The following POPDC1 variants were observed in gnomAD, a reference collection of about 807,000 sequenced individuals.
POPDC1 encodes popeye domain-containing protein 1.
At chr6:105,126,149 C>T in the POPDC1 span, among the ~76,000 whole-genome samples, 2 of 151,548 alleles carry the variant, frequency 1.3e-5, no homozygotes, top group African/African-American at 4.9e-5. Flanking sequence ...TTGCTTGAAC[C>T]CGGGAGGTGG....
the POPDC1 span, chr6:105,099,088 G>A: frequency 1.3e-5 from 2 of 152,144 alleles, no homozygotes; most frequent in Non-Finnish European, 2.9e-5. Flanking sequence ...TGAACTCCTG[G>A]GCTTAAGCAA....
At chr6:105,101,714 C>T in the POPDC1 span, among the ~76,000 whole-genome samples, 2 of 152,072 alleles carry the variant, frequency 1.3e-5, no homozygotes, top group South Asian at 2.1e-4. Flanking sequence ...TGGGCTTACA[C>T]GCAAAGGAGA....
chr6:105,136,709 C>T, the POPDC1 span: 1 of 152,180 alleles, frequency 6.6e-6, no homozygotes, highest in South Asian at 2.1e-4. Flanking sequence ...TCTCTGTGGC[C>T]GCAGCGCCCA....
At chr6:105,119,812 T>C in the POPDC1 span, among the ~76,000 whole-genome samples, 2 of 152,260 alleles carry the variant, frequency 1.3e-5, no homozygotes, top group African/African-American at 2.4e-5. Context: ...AATGAAACTT[T>C]TACAATGACA....
At chr6:105,133,681 T>C in the POPDC1 span, 1 of 836,708 alleles carries the variant, frequency 1.2e-6, no homozygotes, top group Non-Finnish European at 1.8e-6. Context: ...TTTCTGTGAA[T>C]TAAATAGACT....
At chr6:105,107,861 A>G in the POPDC1 span, among the ~76,000 whole-genome samples, 7 of 151,850 alleles carry the variant, frequency 4.6e-5, no homozygotes, top group African/African-American at 1.7e-4. Context: ...ATATCCTAAG[A>G]TTTTTTTTAA....
chr6:105,118,480 G>A, the POPDC1 span, among the ~76,000 whole-genome samples: 3 of 152,118 alleles, frequency 2.0e-5, no homozygotes, highest in Non-Finnish European at 2.9e-5. Flanking sequence ...TCATTCTTTC[G>A]ATACATTACT....
the POPDC1 span, among the ~76,000 whole-genome samples, chr6:105,115,130 A>T: frequency 6.6e-6 from 1 of 152,254 alleles, no homozygotes; most frequent in African/African-American, 2.4e-5. Context: ...TCTGTCGCCC[A>T]GGCTGGAGTG....
the POPDC1 span, among the ~76,000 whole-genome samples, chr6:105,106,495 C>T: frequency 6.6e-6 from 1 of 152,246 alleles, no homozygotes; most frequent in Admixed American, 6.5e-5. Flanking sequence ...CTGAGCGAAA[C>T]AGTGGACACC....
the POPDC1 span, among the ~76,000 whole-genome samples, chr6:105,116,218 G>C: frequency 2.0e-5 from 3 of 152,180 alleles, no homozygotes; most frequent in Non-Finnish European, 4.4e-5. Flanking sequence ...TTTCTAAAAA[G>C]ATACGGGAAA....
the POPDC1 span, among the ~76,000 whole-genome samples, chr6:105,123,873 G>A: frequency 6.6e-6 from 1 of 152,002 alleles, no homozygotes; most frequent in African/African-American, 2.4e-5. Flanking sequence ...CAGTTTTCTG[G>A]TTTTCTTCAA....
At chr6:105,133,702 T>A in the POPDC1 span, 1 of 705,368 alleles carries the variant, frequency 1.4e-6, no homozygotes. Flanking sequence ...TCTCTAGTGC[T>A]TATGAATTAG....
chr6:105,124,668 A>G, the POPDC1 span: 4 of 1,513,126 alleles, frequency 2.6e-6, no homozygotes, highest in South Asian at 4.6e-5. Flanking sequence ...GATAACAGAA[A>G]TTAATGTTAA....
the POPDC1 span, among the ~76,000 whole-genome samples, chr6:105,123,787 A>G: frequency 1.3e-5 from 2 of 152,226 alleles, no homozygotes; most frequent in African/African-American, 4.8e-5. Context: ...CCTTAAACAT[A>G]TTCATTAAGT....
the POPDC1 span, chr6:105,133,213 T>C: frequency 9.2e-6 from 6 of 652,858 alleles, no homozygotes; most frequent in Non-Finnish European, 1.6e-5. Context: ...CTAATTGATA[T>C]ACTGCTAATT....
the POPDC1 span, among the ~76,000 whole-genome samples, chr6:105,126,451 AC>A: frequency 6.6e-6 from 1 of 151,660 alleles, no homozygotes; most frequent in Non-Finnish European, 1.5e-5. Flanking sequence ...AAATCAAAAA[AC>A]TTTTGCAGTT....
At chr6:105,118,296 C>A in the POPDC1 span, among the ~76,000 whole-genome samples, 3 of 152,132 alleles carry the variant, frequency 2.0e-5, no homozygotes, top group African/African-American at 7.2e-5. Context: ...AAGCTGAAAT[C>A]TGATTGCTGG....
chr6:105,133,428 A>C, the POPDC1 span: 2 of 1,613,876 alleles, frequency 1.2e-6, no homozygotes, highest in Non-Finnish European at 1.7e-6. Context: ...CTGCAAAACA[A>C]ATATTTGCTA....
the POPDC1 span, chr6:105,136,061 T>C: frequency 6.6e-6 from 1 of 152,210 alleles, no homozygotes. Flanking sequence ...AATAGCTAAA[T>C]GCTGAAACTA....
Sources: allele counts gnomAD v4.1 joint callset (sites outside exome capture counted in the v4.1 genomes callset), GRCh38; gene constraint gnomAD v4.1.1; transcripts MANE v1.5; gene names NCBI Gene and HGNC (gene_info 2026-07-23, HGNC 2026-07-21).